Variants in ZNF343 observed in about 807,000 individuals in gnomAD.
The protein encoded by ZNF343 is zinc finger protein 343.
ZNF343 carries 11 observed loss-of-function variants against 13.8 expected under a neutral mutation model. The ratio of observed to expected loss-of-function variants is 0.80; its 90% confidence interval spans 0.50 to 1.32. ZNF343 has a LOEUF of 1.32. Among genes scored for constraint, ZNF343 ranks in the 40% most tolerant of loss-of-function variants. The pLI is 0.00. For synonymous variants in ZNF343, 248 were observed against 260.0 expected (o/e 0.95, Z 0.44); for missense variants, 658 against 714.2 (o/e 0.92, Z 0.90).
At chr20:2,515,829 T>A (rs1033525050) in intron 1 of ZNF343, among the ~76,000 whole-genome samples, 1 of 152,096 alleles carries the variant, frequency 6.6e-6, no homozygotes, top group African/African-American at 2.4e-5. Context: ...AGAGACAGGC[T>A]CAGGTGATGG....
intron 2 of ZNF343, among the ~76,000 whole-genome samples, chr20:2,496,639 G>A (rs2085463381): frequency 6.6e-6 from 1 of 152,180 alleles, no homozygotes; most frequent in African/African-American, 2.4e-5. Context: ...ATTCAGGTGG[G>A]AGATAATGGT....
Position 2,493,798 on chromosome 20 carries a change from G to A in ZNF343, c.98C>T (p.Thr33Ile). ...GENVETMKKL[T>I]QNHKAKGLPS... is the part of the protein sequence containing the mutation. Reference sequence around the variant, plus strand: ...CTCACCTTTCGCTTTATGATTTTGGGTCAATTTCTTCATAGTCTCTACATT... The same window carrying A: ...CTCACCTTTCGCTTTATGATTTTGGATCAATTTCTTCATAGTCTCTACATT... The change falls in exon 3 of 6, where the codon ACC (threonine) becomes ATC (isoleucine). Residue 33 changes from threonine (T) to isoleucine (I), a missense_variant. Thr to Ile is a moderately conservative substitution (Grantham distance 89). Transcript: ENST00000278772. 1 of 1,613,254 alleles carries A rather than the reference G, an allele frequency of 6.2e-7. No homozygotes were observed. Among genetic ancestry groups the A allele is most frequent in the East Asian group, 2.2e-5 (1 of 44,852 alleles).
In ZNF343 at chr20:2,482,848, T is replaced by C. The variant is rs897183149; in HGVS notation, c.*313A>G. 2 of 317,884 alleles carry C rather than the reference T, an allele frequency of 6.3e-6. No individual in the cohort carries two copies. The highest frequency in any genetic ancestry group is 1.2e-5 in the Non-Finnish European group (2 of 172,302). The allele number at this position is 317,884 out of a possible 1,614,324, so 19.7% of individuals were successfully genotyped here. ...AGGGTGCTTTCCCCTGAGGCTGTCATTGGATGTCTGGTAAATGTTGATTAT... is the reference window on the plus strand; with the variant it reads ...AGGGTGCTTTCCCCTGAGGCTGTCACTGGATGTCTGGTAAATGTTGATTAT... On this transcript the variant is annotated 3_prime_UTR_variant, in exon 6 of 6. Transcript: ENST00000278772.
intron 5 of ZNF343, among the ~76,000 whole-genome samples, chr20:2,489,990 A>AC (rs911205196): frequency 6.6e-6 from 1 of 152,036 alleles, no homozygotes; most frequent in African/African-American, 2.4e-5. Flanking sequence ...TGTCTGAAAA[A>AC]AAAAGAAATA....
chr20:2,504,952 G>A (rs1390151437), intron 1 of ZNF343, among the ~76,000 whole-genome samples: 2 of 152,168 alleles, frequency 1.3e-5, no homozygotes, highest in Non-Finnish European at 1.5e-5. Context: ...GTTCTGGACA[G>A]GGCAATCAGG....
At chr20:2,499,861 A>G (rs2085530731) in intron 2 of ZNF343, among the ~76,000 whole-genome samples, 1 of 152,168 alleles carries the variant, frequency 6.6e-6, no homozygotes, top group Admixed American at 6.6e-5. Flanking sequence ...TATAGTTCTT[A>G]CCTGAATTGT....
Position 2,484,497 on chromosome 20 carries a change from C to T in ZNF343, c.464G>A (p.Gly155Glu). The change falls in exon 6 of 6, where the codon GGG (glycine) becomes GAG (glutamate). Residue 155 changes from glycine (G) to glutamate (E), a missense_variant. By Grantham distance (98) the Gly-to-Glu change is moderately conservative (BLOSUM62 -2). Transcript: ENST00000278772. Reference protein sequence around the residue: ...NSSPGHWKQQGQQYSHVSCWF... With the variant: ...NSSPGHWKQQEQQYSHVSCWF... ...ACAGCTTACATGGGAATACTGCTGCCCCTGCTGTTTCCAATGCCCTGGGCT... is the reference window on the plus strand; with the variant it reads ...ACAGCTTACATGGGAATACTGCTGCTCCTGCTGTTTCCAATGCCCTGGGCT... The T allele has an allele frequency of 6.2e-7, 1 of 1,614,218 alleles. No homozygotes were observed. Among genetic ancestry groups the T allele is most frequent in the Non-Finnish European group, 8.5e-7 (1 of 1,180,046 alleles).
intron 2 of ZNF343, among the ~76,000 whole-genome samples, chr20:2,499,014 A>G (rs960538145): frequency 6.6e-6 from 1 of 152,004 alleles, no homozygotes; most frequent in Non-Finnish European, 1.5e-5. Context: ...TAATTTTTCT[A>G]TTTTTAGTAG....
At chr20:2,499,484 A>C (rs1350959369) in intron 2 of ZNF343, among the ~76,000 whole-genome samples, 1 of 146,600 alleles carries the variant, frequency 6.8e-6, no homozygotes, top group South Asian at 2.1e-4. Flanking sequence ...AAAAAAAAAA[A>C]AAAAAAAGAA....
intron 1 of ZNF343, among the ~76,000 whole-genome samples, chr20:2,502,934 AATG>A (rs1264673781): frequency 2.0e-5 from 3 of 152,212 alleles, no homozygotes; most frequent in African/African-American, 7.2e-5. Flanking sequence ...CTAACATCAT[AATG>A]ACAGGATCAA....
upstream of ZNF343, among the ~76,000 whole-genome samples, chr20:2,524,992 G>C (rs1013593310): frequency 1.3e-5 from 2 of 152,206 alleles, no homozygotes; most frequent in African/African-American, 4.8e-5. Context: ...CCGCTTCCCG[G>C]CTTCCCGCTC....
chr20:2,521,111 T>C (rs1295870510), intron 1 of ZNF343, among the ~76,000 whole-genome samples: 3 of 152,182 alleles, frequency 2.0e-5, no homozygotes, highest in African/African-American at 7.2e-5. Flanking sequence ...GAAGCAAGAA[T>C]GTAGCCTCTG....
At position 2,482,973 on chromosome 20, in the gene ZNF343, C is replaced by A; in HGVS notation, c.*188G>T. 1 of 681,100 alleles carries A rather than the reference C, an allele frequency of 1.5e-6. No individual in the cohort carries two copies. Among genetic ancestry groups the A allele is most frequent in the African/African-American group, 1.8e-5 (1 of 55,340 alleles). 42.2% of individuals were successfully genotyped at this position (681,100 alleles called of 1,614,324 possible). On this transcript the variant is annotated 3_prime_UTR_variant, in exon 6 of 6. Coordinates refer to ENST00000278772, the MANE Select transcript of ZNF343 (RefSeq NM_024325.6). ...ACTGATGGCTACAGTTGCCCGTACTCTATACTCATAAGGCTCCTCTCCTGA... is the reference window on the plus strand; with the variant it reads ...ACTGATGGCTACAGTTGCCCGTACTATATACTCATAAGGCTCCTCTCCTGA...
At chr20:2,497,680 G>C (rs2085483147) in intron 2 of ZNF343, among the ~76,000 whole-genome samples, 1 of 152,194 alleles carries the variant, frequency 6.6e-6, no homozygotes. Context: ...CATTCTTTTG[G>C]GGAGTTTTGC....
intron 1 of ZNF343, among the ~76,000 whole-genome samples, chr20:2,521,324 A>G (rs893417114): frequency 5.9e-5 from 9 of 152,142 alleles, no homozygotes; most frequent in Admixed American, 2.0e-4. Flanking sequence ...GAAAGTGGAA[A>G]CTTCACCTCT....
chr20:2,484,667 A>G lies in ZNF343; in HGVS notation c.305-11T>C, dbSNP rs746965022. 1 of 1,571,728 alleles carries G rather than the reference A, an allele frequency of 6.4e-7. No homozygotes were observed. Among genetic ancestry groups the G allele is most frequent in the Non-Finnish European group, 8.6e-7 (1 of 1,159,498 alleles). ...CTGGCTTTGGTTCTGCTGAAGAATG[A>G]AAGTTTTCTGTTAGAGTAGCCATAA... On this transcript the variant is annotated splice_polypyrimidine_tract_variant and intron_variant, in intron 5 of 5. Coordinates refer to ENST00000278772, the MANE Select transcript of ZNF343 (RefSeq NM_024325.6).
At chr20:2,501,346 G>C (rs1181956649) in intron 1 of ZNF343, among the ~76,000 whole-genome samples, 1 of 152,222 alleles carries the variant, frequency 6.6e-6, no homozygotes, top group Non-Finnish European at 1.5e-5. Context: ...GCAGCTCAAG[G>C]AGGCCTGCCT....
At chr20:2,506,388 G>A (rs1326234437) in intron 1 of ZNF343, among the ~76,000 whole-genome samples, 82 of 152,056 alleles carry the variant, frequency 5.4e-4, no homozygotes, top group Non-Finnish European at 8.7e-4. Flanking sequence ...TCAGTGTGGC[G>A]ATTCCTCAGG....
At chr20:2,501,674 C>A (rs1404533390) in intron 1 of ZNF343, among the ~76,000 whole-genome samples, 3 of 152,210 alleles carry the variant, frequency 2.0e-5, no homozygotes, top group Non-Finnish European at 4.4e-5. Context: ...TGTTCTGCAG[C>A]CTCCGCTGCT....
Sources: allele counts gnomAD v4.1 joint callset (sites outside exome capture counted in the v4.1 genomes callset), GRCh38; gene constraint gnomAD v4.1.1; transcripts MANE v1.5; gene names NCBI Gene and HGNC (gene_info 2026-07-23, HGNC 2026-07-21).